The following DMD variants were observed in gnomAD, a reference collection of about 807,000 sequenced individuals.
The protein encoded by DMD is mutant dystrophin.
A neutral mutation model predicts 330.1 loss-of-function variants in DMD; 63 were observed. That is an observed-to-expected ratio of 0.19 (90% CI 0.16 to 0.24). The LOEUF (loss-of-function observed/expected upper bound fraction) is 0.24, where lower values mean the gene tolerates loss of function less well. Ranked by LOEUF, DMD falls within the 10% of genes least tolerant of loss-of-function variation. The probability of loss-of-function intolerance (pLI) is 1.00; values close to 1 mark genes in which losing one functional copy is unlikely to be tolerated. For missense variants in DMD, 3,344 were observed against 2,684.1 expected (o/e 1.25, Z -5.43); for synonymous variants, 1,223 against 959.8 (o/e 1.27, Z -5.07).
At chrX:32,389,477 G>C (rs759023863) in intron 32 of DMD, 24 bp downstream of exon 32, 1 of 1,204,559 alleles carries the variant, frequency 8.3e-7, no homozygotes, top group Non-Finnish European at 1.1e-6. Context: ...GGGTACCTGC[G>C]TATTTGCCAC....
intron 55 of DMD, among the ~76,000 whole-genome samples, chrX:31,626,790 A>T (rs2078873895): frequency 8.9e-6 from 1 of 112,417 alleles, no homozygotes; most frequent in Non-Finnish European, 1.9e-5. Context: ...TAAAAATATC[A>T]TAATAGTTTC....
At chrX:33,014,491 G>T (rs1284475284) in intron 2 of DMD, among the ~76,000 whole-genome samples, 2 of 111,814 alleles carry the variant, frequency 1.8e-5, no homozygotes, top group African/African-American at 6.5e-5. Flanking sequence ...TACGGAGATT[G>T]AATTTCTCAC....
chrX:32,263,806 A>T (rs1486005126), intron 43 of DMD, among the ~76,000 whole-genome samples: 1 of 111,703 alleles, frequency 9.0e-6, no homozygotes, highest in Non-Finnish European at 1.9e-5. Flanking sequence ...TGGTCCGTTA[A>T]CTACAACCCT....
At chrX:32,083,214 C>T (rs926008431) in intron 44 of DMD, among the ~76,000 whole-genome samples, 1 of 111,709 alleles carries the variant, frequency 9.0e-6, no homozygotes, top group Admixed American at 9.5e-5. Context: ...ACTAGCAACC[C>T]GTGAACTTAA....
intron 60 of DMD, among the ~76,000 whole-genome samples, chrX:31,393,334 G>A (rs371658351): frequency 9.1e-5 from 10 of 109,674 alleles, no homozygotes; most frequent in East Asian, 5.8e-4. Flanking sequence ...AAAATTAGCC[G>A]GGCATGGTGG....
intron 60 of DMD, among the ~76,000 whole-genome samples, chrX:31,350,649 GA>G (rs2058356502): frequency 9.4e-6 from 1 of 106,038 alleles, no homozygotes; most frequent in Non-Finnish European, 1.9e-5. Context: ...GAGAGAGAGA[GA>G]GAGAGAGAGA....
intron 62 of DMD, among the ~76,000 whole-genome samples, chrX:31,273,795 G>T (rs1003551878): frequency 4.5e-5 from 5 of 111,820 alleles, no homozygotes; most frequent in African/African-American, 1.6e-4. Context: ...GGGGCAGAGT[G>T]TCCAGACCAA....
chrX:31,373,511 T>C (rs760250207), intron 60 of DMD, among the ~76,000 whole-genome samples: 41 of 103,252 alleles, frequency 4.0e-4, no homozygotes, highest in East Asian at 6.3e-4. Context: ...TCAGAAATAA[T>C]GCCGCATATC....
chrX:32,565,625 G>C (rs2051609597), intron 16 of DMD, 77 bp downstream of exon 16: 1 of 1,027,930 alleles, frequency 9.7e-7, no homozygotes, highest in East Asian at 3.0e-5. Context: ...CTTTTGTAGG[G>C]TTATAATGTC....
intron 54 of DMD, among the ~76,000 whole-genome samples, chrX:31,642,184 A>T (rs1042323869): frequency 4.5e-5 from 5 of 112,295 alleles, no homozygotes; most frequent in Non-Finnish European, 9.4e-5. Flanking sequence ...GTCCACTGCT[A>T]TAAGTGTCAT....
At chrX:31,564,524 T>C (rs2075367937) in intron 55 of DMD, among the ~76,000 whole-genome samples, 1 of 111,979 alleles carries the variant, frequency 8.9e-6, no homozygotes, top group African/African-American at 3.2e-5. Context: ...GATTCGACAG[T>C]GCATAGAGGT....
At chrX:32,575,793 T>C (rs1207148312) in intron 13 of DMD, among the ~76,000 whole-genome samples, 1 of 111,692 alleles carries the variant, frequency 9.0e-6, no homozygotes, top group Non-Finnish European at 1.9e-5. Context: ...ATGTGGGAAA[T>C]TTATTGTAGC....
At chrX:33,047,810 C>A (rs760220953) in intron 1 of DMD, among the ~76,000 whole-genome samples, 3 of 111,846 alleles carry the variant, frequency 2.7e-5, no homozygotes, top group Non-Finnish European at 5.6e-5. Flanking sequence ...CTCTTAGTAT[C>A]CCCAAGTTAT....
At chrX:31,492,858 C>T (rs926066122) in intron 57 of DMD, among the ~76,000 whole-genome samples, 1 of 102,932 alleles carries the variant, frequency 9.7e-6, no homozygotes, top group African/African-American at 3.6e-5. Flanking sequence ...GGGAACATCA[C>T]ACACTGGGGC....
At chrX:31,793,724 TCTA>T (rs1170406897) in intron 50 of DMD, among the ~76,000 whole-genome samples, 2 of 112,252 alleles carry the variant, frequency 1.8e-5, no homozygotes, top group African/African-American at 3.2e-5. Context: ...AAGTATGATT[TCTA>T]CTGAGTGCAT....
At chrX:32,441,377 C>A (rs1030916213) in intron 27 of DMD, 63 bp from the exon 28 acceptor site, 5 of 1,092,693 alleles carry the variant, frequency 4.6e-6, no homozygotes, top group Non-Finnish European at 5.0e-6. Flanking sequence ...TGAAATTTTG[C>A]CATTTCATTA....
At chrX:32,017,138 T>C (rs1249184771) in intron 44 of DMD, among the ~76,000 whole-genome samples, 1 of 112,176 alleles carries the variant, frequency 8.9e-6, no homozygotes, top group Non-Finnish European at 1.9e-5. Flanking sequence ...TCTTCTCAGA[T>C]ATGTCTGGAA....
intron 60 of DMD, among the ~76,000 whole-genome samples, chrX:31,404,143 T>C (rs957009925): frequency 1.8e-5 from 2 of 110,533 alleles, no homozygotes; most frequent in Non-Finnish European, 3.8e-5. Context: ...AACGCTCAGG[T>C]GGTTATATTA....
chrX:32,550,266 C>A (rs2049406289), intron 16 of DMD, among the ~76,000 whole-genome samples: 1 of 110,900 alleles, frequency 9.0e-6, no homozygotes, highest in Admixed American at 9.6e-5. Context: ...TTTTTAAAAC[C>A]CACAAAATTA....
Sources: allele counts gnomAD v4.1 joint callset (sites outside exome capture counted in the v4.1 genomes callset), GRCh38; gene constraint gnomAD v4.1.1; transcripts MANE v1.5; gene names NCBI Gene and HGNC (gene_info 2026-07-23, HGNC 2026-07-21).